The following P3H2 variants were observed in gnomAD, a reference collection of about 807,000 sequenced individuals.
P3H2 encodes the protein prolyl 3-hydroxylase 2.
P3H2 carries 80 observed loss-of-function variants against 87.0 expected under a neutral mutation model. The observed-to-expected ratio is 0.92, with a 90% CI of 0.77 to 1.11. The LOEUF is 1.11. Among genes scored for constraint, P3H2 ranks in the 50% least tolerant of loss-of-function variants. The pLI, the probability that P3H2 is intolerant of heterozygous loss-of-function variation, is 0.00. For missense variants in P3H2, 1,001 were observed against 923.9 expected (o/e 1.08, Z -1.08); for synonymous variants, 367 against 359.3 (o/e 1.02, Z -0.24).
At chr3:190,067,158 T>C (rs1433683669) in intron 1 of P3H2, among the ~76,000 whole-genome samples, 2 of 152,016 alleles carry the variant, frequency 1.3e-5, no homozygotes, top group African/African-American at 4.8e-5. Flanking sequence ...TTCTTACATT[T>C]ACCTATTATT....
Position 189,957,472 on chromosome 3 carries a change from TGTGTGTG to T in P3H2, c.*433_*439del. 1 of 316,558 alleles carries T rather than the reference TGTGTGTG, an allele frequency of 3.2e-6. No individual in the cohort carries two copies. Among genetic ancestry groups the T allele is most frequent in the East Asian group, 4.8e-5 (1 of 20,982 alleles). 19.6% of individuals were successfully genotyped at this position (316,558 alleles called of 1,614,324 possible). On this transcript the variant is annotated 3_prime_UTR_variant, in exon 15 of 15. Transcript: ENST00000319332. ...GTGTGTGTGTGTGTGTGTGTGTGTG[TGTGTGTG>T]TTTGGGGGAGGAGGTGAACTGGGCT... is the stretch of plus-strand genomic sequence containing the variant.
intron 1 of P3H2, among the ~76,000 whole-genome samples, chr3:190,102,694 A>C (rs560499207): frequency 6.6e-6 from 1 of 152,346 alleles, no homozygotes; most frequent in South Asian, 2.1e-4. Flanking sequence ...AGAATATTAC[A>C]TAAGCTTAGT....
At chr3:190,054,509 AT>A (rs976873716) in intron 1 of P3H2, among the ~76,000 whole-genome samples, 1 of 150,972 alleles carries the variant, frequency 6.6e-6, no homozygotes, top group African/African-American at 2.4e-5. Flanking sequence ...TAGGATCTTT[AT>A]TTTTTTTTCA....
chr3:190,106,001 G>C (rs1038215370), intron 1 of P3H2, among the ~76,000 whole-genome samples: 11 of 152,166 alleles, frequency 7.2e-5, no homozygotes, highest in African/African-American at 2.7e-4. Context: ...AATGTTTGTT[G>C]ATTCTCAAAC....
At chr3:190,091,668 G>A (rs1269918609) in intron 1 of P3H2, among the ~76,000 whole-genome samples, 6 of 152,240 alleles carry the variant, frequency 3.9e-5, no homozygotes, top group Non-Finnish European at 8.8e-5. Flanking sequence ...TGAAAAGAAT[G>A]ATGGCAAATG....
At position 190,025,179 on chromosome 3, in the gene P3H2, CT is replaced by C. The variant is rs72439195; in HGVS notation, c.481-29738del. 3.3e-4 allele frequency among the ~76,000 whole-genome samples: 49 copies of C among 150,060 alleles called. 1 individual carries two copies. Among genetic ancestry groups the C allele is most frequent in the Admixed American group, 2.4e-3 (36 of 15,092 alleles). On this transcript the variant is annotated intron_variant, in intron 1 of 14. Transcript: ENST00000319332. ...TTTTCAACCACAGTCACTAGTAGAA[CT>C]TTTTTTTTTCTTTTTGCCTCTAACA...
intron 1 of P3H2, among the ~76,000 whole-genome samples, chr3:190,006,052 C>CA (rs1724378069): frequency 6.6e-6 from 1 of 152,270 alleles, no homozygotes; most frequent in South Asian, 2.1e-4. Flanking sequence ...AATATAAACT[C>CA]AAACATTTTC....
At chr3:190,114,861 C>T (rs187303258) in intron 1 of P3H2, among the ~76,000 whole-genome samples, 1 of 152,286 alleles carries the variant, frequency 6.6e-6, no homozygotes, top group East Asian at 1.9e-4. Context: ...ATAAAATATA[C>T]ATATTCTACA....
intron 1 of P3H2, among the ~76,000 whole-genome samples, chr3:190,080,526 G>A (rs1727009456): frequency 5.9e-5 from 9 of 151,852 alleles, no homozygotes; most frequent in Admixed American, 5.9e-4. Context: ...TCAGCCTCCC[G>A]AGTAGCTGGG....
intron 1 of P3H2, among the ~76,000 whole-genome samples, chr3:190,059,342 G>A (rs1726264523): frequency 6.6e-6 from 1 of 152,050 alleles, no homozygotes; most frequent in Non-Finnish European, 1.5e-5. Context: ...CAGGAAGATA[G>A]TCTCATGAGT....
chr3:190,079,341 A>AAAAAT, intron 1 of P3H2, among the ~76,000 whole-genome samples: 1 of 142,038 alleles, frequency 7.0e-6, no homozygotes, highest in Middle Eastern at 3.6e-3. Context: ...TCTGTCTCAA[A>AAAAAT]AAATAAATAA....
intron 1 of P3H2, among the ~76,000 whole-genome samples, chr3:190,047,056 A>AC (rs1347398262): frequency 2.6e-5 from 4 of 152,184 alleles, no homozygotes; most frequent in Non-Finnish European, 5.9e-5. Flanking sequence ...CAAAAAAACA[A>AC]ATAATCTGAT....
At position 190,062,432 on chromosome 3, in the gene P3H2, T is replaced by A. The variant is rs117161060; in HGVS notation, c.480+57820A>T. Among the ~76,000 whole-genome samples the A allele has an allele frequency of 7.2e-5, 11 of 152,268 alleles. No homozygotes were observed. The East Asian group carries it at 1.9e-3, about 27-fold the overall frequency. ...CACAGAATATCCCCATTTAACAAAT[T>A]CAAATTGAATAAAGAAATAATTTTT... On this transcript the variant is annotated intron_variant, in intron 1 of 14. Coordinates refer to ENST00000319332, the MANE Select transcript of P3H2 (RefSeq NM_018192.4).
At chr3:189,966,765 C>T (rs1723019746) in intron 13 of P3H2, among the ~76,000 whole-genome samples, 1 of 152,228 alleles carries the variant, frequency 6.6e-6, no homozygotes. Context: ...CCAAGTCTCA[C>T]AAACAAATGC....
chr3:190,072,650 A>T (rs1333142966), intron 1 of P3H2, among the ~76,000 whole-genome samples: 2 of 152,224 alleles, frequency 1.3e-5, no homozygotes, highest in Non-Finnish European at 2.9e-5. Context: ...TTTATTAAAT[A>T]GATGCCAATA....
chr3:189,990,878 T>C (rs1254587278), intron 3 of P3H2, among the ~76,000 whole-genome samples: 1 of 152,218 alleles, frequency 6.6e-6, no homozygotes, highest in African/African-American at 2.4e-5. Flanking sequence ...TCTATTCTTT[T>C]CCAGCTACCG....
intron 10 of P3H2, among the ~76,000 whole-genome samples, chr3:189,973,414 GAATGATTAACTAC>G (rs1213715564): frequency 6.6e-6 from 1 of 151,766 alleles, no homozygotes; most frequent in African/African-American, 2.4e-5. Flanking sequence ...CTGAACGGAG[GAATGATTAACTAC>G]AATGAAGGTT....
At chr3:190,098,763 C>T (rs1031578882) in intron 1 of P3H2, among the ~76,000 whole-genome samples, 1 of 152,138 alleles carries the variant, frequency 6.6e-6, no homozygotes, top group Non-Finnish European at 1.5e-5. Flanking sequence ...TCAGACTTAA[C>T]AATGATTTGA....
chr3:190,105,246 A>G (rs1711785914), intron 1 of P3H2, among the ~76,000 whole-genome samples: 1 of 152,206 alleles, frequency 6.6e-6, no homozygotes, highest in Non-Finnish European at 1.5e-5. Context: ...TAGTGTGAGG[A>G]AAGTCTTTCA....
Sources: gnomAD v4.1 joint callset for allele counts (sites outside exome capture counted in the v4.1 genomes callset) on GRCh38, gnomAD v4.1.1 for gene constraint, MANE v1.5 for transcripts, NCBI Gene and HGNC (gene_info 2026-07-23, HGNC 2026-07-21) for gene names.